JAZF1: variants seen among roughly 807,000 people sequenced by gnomAD.
The protein encoded by JAZF1 is JAZF zinc finger 1.
Under a neutral mutation model 26.4 loss-of-function variants are expected in JAZF1, and 8 were observed. The ratio of observed to expected loss-of-function variants is 0.30; its 90% CI spans 0.18 to 0.55. The LOEUF is 0.55. Among genes scored for constraint, JAZF1 ranks in the 20% least tolerant of loss-of-function variants. The pLI is 0.94. For missense variants in JAZF1, 199 were observed against 322.0 expected, an observed-to-expected ratio of 0.62 and a Z score of 2.92; for synonymous variants, 126 against 122.3, an observed-to-expected ratio of 1.03 and a Z score of -0.20.
intron 2 of JAZF1, among the ~76,000 whole-genome samples, chr7:27,968,575 G>A (rs1385766783): frequency 2.0e-5 from 3 of 152,162 alleles, no homozygotes; most frequent in Non-Finnish European, 2.9e-5. Context: ...AGACCTTGAT[G>A]TCTTAGCCCT....
intron 2 of JAZF1, among the ~76,000 whole-genome samples, chr7:27,984,077 C>T (rs1033768093): frequency 1.3e-5 from 2 of 152,200 alleles, no homozygotes; most frequent in Non-Finnish European, 2.9e-5. Flanking sequence ...ATCATAACGA[C>T]AGGATCAAAT....
intron 1 of JAZF1, among the ~76,000 whole-genome samples, chr7:28,101,801 G>T (rs1784475804): frequency 6.6e-6 from 1 of 151,982 alleles, no homozygotes; most frequent in South Asian, 2.1e-4. Flanking sequence ...GTGTACTTGA[G>T]AATCTGTAAA....
chr7:28,134,203 C>T (rs1482074133), intron 1 of JAZF1, among the ~76,000 whole-genome samples: 1 of 152,160 alleles, frequency 6.6e-6, no homozygotes. Context: ...GGGAATTTCT[C>T]TATTATGAAT....
chr7:28,122,507 C>A (rs1225964784), intron 1 of JAZF1, among the ~76,000 whole-genome samples: 2 of 152,086 alleles, frequency 1.3e-5, no homozygotes, highest in East Asian at 3.9e-4. Context: ...TTGGTTCAAG[C>A]AACTAGGGTG....
chr7:27,850,909 A>C (rs189904534), intron 3 of JAZF1, among the ~76,000 whole-genome samples: 1 of 152,184 alleles, frequency 6.6e-6, no homozygotes, highest in East Asian at 1.9e-4. Flanking sequence ...ATCTTTAGAT[A>C]GTATTAAATA....
Position 27,881,631 on chromosome 7 carries a change from C to G in JAZF1, c.385+13589G>C, listed in dbSNP as rs185071452. On this transcript the variant is annotated intron_variant, in intron 3 of 4. Coordinates refer to ENST00000283928, the MANE Select transcript of JAZF1 (RefSeq NM_175061.4). ...GGGCCTGCTCAAGATATGGGAGTCACGATCATGTCTCAAAAACACCATCCT... is the reference window on the plus strand; with the variant it reads ...GGGCCTGCTCAAGATATGGGAGTCAGGATCATGTCTCAAAAACACCATCCT... Among the ~76,000 whole-genome samples, 239 of 152,202 alleles carry G rather than the reference C, an allele frequency of 1.6e-3. 1 individual carries two copies. Among genetic ancestry groups the G allele is most frequent in the African/African-American group, 5.4e-3 (223 of 41,528 alleles).
intron 2 of JAZF1, among the ~76,000 whole-genome samples, chr7:27,967,515 C>A (rs926579730): frequency 1.3e-5 from 2 of 152,056 alleles, no homozygotes; most frequent in African/African-American, 4.8e-5. Context: ...GTACTCAGAT[C>A]AATCAGGGTC....
intron 2 of JAZF1, among the ~76,000 whole-genome samples, chr7:27,940,347 C>T (rs961139571): frequency 2.0e-5 from 3 of 152,166 alleles, no homozygotes; most frequent in Admixed American, 2.0e-4. Flanking sequence ...ACCCTGGCTC[C>T]TCCTGACTCT....
intron 1 of JAZF1, among the ~76,000 whole-genome samples, chr7:28,124,672 T>G (rs1645051435): frequency 6.6e-6 from 1 of 152,212 alleles, no homozygotes; most frequent in African/African-American, 2.4e-5. Context: ...GATTCCATTT[T>G]GCTTTTCTTA....
intron 2 of JAZF1, among the ~76,000 whole-genome samples, chr7:27,904,239 A>C (rs1784212071): frequency 6.6e-6 from 1 of 152,240 alleles, no homozygotes; most frequent in Non-Finnish European, 1.5e-5. Flanking sequence ...TGTGTGGCCC[A>C]CATGTCAAAG....
intron 1 of JAZF1, among the ~76,000 whole-genome samples, chr7:28,163,725 C>T (rs1783325380): frequency 6.6e-6 from 1 of 152,188 alleles, no homozygotes; most frequent in African/African-American, 2.4e-5. Flanking sequence ...TGGGGAGTTA[C>T]AACATATGCG....
At chr7:27,868,519 C>T (rs1253292892) in intron 3 of JAZF1, among the ~76,000 whole-genome samples, 3 of 152,168 alleles carry the variant, frequency 2.0e-5, no homozygotes, top group South Asian at 2.1e-4. Context: ...CCTGGCTGGT[C>T]GGCTCCCCAG....
chr7:27,887,741 A>ATTGAAG (rs1337316505), intron 3 of JAZF1, among the ~76,000 whole-genome samples: 97 of 152,166 alleles, frequency 6.4e-4, no homozygotes, highest in Non-Finnish European at 1.1e-3. Context: ...TTCAAGTCAA[A>ATTGAAG]AAAATGTTTT....
At chr7:28,024,637 GC>G (rs1783062802) in intron 1 of JAZF1, among the ~76,000 whole-genome samples, 1 of 152,170 alleles carries the variant, frequency 6.6e-6, no homozygotes, top group Non-Finnish European at 1.5e-5. Context: ...GATGAATTTT[GC>G]ATCTCTGGCA....
intron 1 of JAZF1, among the ~76,000 whole-genome samples, chr7:28,110,521 A>AAAGGAAAGGAAAGGAAAGGAAAGGG (rs1784635463): frequency 1.7e-5 from 1 of 60,228 alleles, no homozygotes; most frequent in African/African-American, 5.7e-5. Context: ...AAGGAAAAGG[A>AAAGGAAAGGAAAGGAAAGGAAAGGG]AAAGGAAAAG....
At chr7:28,172,050 A>C (rs1202814210) in intron 1 of JAZF1, among the ~76,000 whole-genome samples, 2 of 152,270 alleles carry the variant, frequency 1.3e-5, no homozygotes, top group Non-Finnish European at 2.9e-5. Context: ...TCCTAAAATC[A>C]GAATCCAGGA....
In JAZF1 at chr7:27,832,392, T is replaced by A. The variant is rs1471550502; in HGVS notation, c.*408A>T. 2 of 227,568 alleles carry A rather than the reference T, an allele frequency of 8.8e-6. No homozygotes were observed. The highest frequency in any genetic ancestry group is 4.4e-5 in the African/African-American group (2 of 45,004). The allele number at this position is 227,568 out of a possible 1,614,324, so 14.1% of individuals were successfully genotyped here. ...GTATTATTTTGGTTTTGAACATATG[T>A]GAGTTGATGTGTTGAAAACTTCAAT... On this transcript the variant is annotated 3_prime_UTR_variant, in exon 5 of 5. Coordinates refer to ENST00000283928, the MANE Select transcript of JAZF1 (RefSeq NM_175061.4).
intron 2 of JAZF1, among the ~76,000 whole-genome samples, chr7:27,961,817 C>T (rs1785189661): frequency 6.6e-6 from 1 of 152,198 alleles, no homozygotes; most frequent in South Asian, 2.1e-4. Context: ...ATTGTACACC[C>T]ATGCCATGGT....
intron 3 of JAZF1, among the ~76,000 whole-genome samples, chr7:27,888,127 G>T (rs1284536777): frequency 6.6e-6 from 1 of 152,218 alleles, no homozygotes; most frequent in Non-Finnish European, 1.5e-5. Flanking sequence ...AAAGGGAAAT[G>T]TAAATCAGAT....
Sources: allele counts gnomAD v4.1 joint callset (sites outside exome capture counted in the v4.1 genomes callset), GRCh38; gene constraint gnomAD v4.1.1; transcripts MANE v1.5; gene names NCBI Gene and HGNC (gene_info 2026-07-23, HGNC 2026-07-21).